Variants in ANO10 observed in about 807,000 individuals in gnomAD.
The protein encoded by ANO10 is anoctamin-10.
Under a neutral mutation model 74.7 loss-of-function variants are expected in ANO10, and 77 were observed. The observed-to-expected ratio is 1.03, with a 90% CI of 0.86 to 1.25. The LOEUF is 1.25. Ranked by LOEUF, ANO10 falls within the 50% of genes most tolerant of loss-of-function variation. The pLI is 0.00. For missense variants in ANO10, 721 were observed against 778.1 expected (o/e 0.93, Z 0.87); for synonymous variants, 279 against 284.9 (o/e 0.98, Z 0.21).
chr3:43,622,885 A>G (rs1481502714), upstream of ANO10, among the ~76,000 whole-genome samples: 4 of 152,146 alleles, frequency 2.6e-5, no homozygotes, highest in East Asian at 7.7e-4. Flanking sequence ...TGTTGTTTTG[A>G]GATAGAGCCT....
intron 12 of ANO10, among the ~76,000 whole-genome samples, chr3:43,414,322 A>G (rs989213604): frequency 6.6e-6 from 1 of 152,210 alleles, no homozygotes; most frequent in Non-Finnish European, 1.5e-5. Context: ...TGACTGATAC[A>G]CAGACAAGAT....
chr3:43,619,875 A>G (rs2083300979), intron 1 of ANO10, among the ~76,000 whole-genome samples: 1 of 151,744 alleles, frequency 6.6e-6, no homozygotes, highest in South Asian at 2.1e-4. Context: ...GTCCAAAAAA[A>G]AAAAAAAAAA....
At chr3:43,371,610 G>A (rs1056294229) in intron 12 of ANO10, among the ~76,000 whole-genome samples, 4 of 152,284 alleles carry the variant, frequency 2.6e-5, no homozygotes, top group Admixed American at 2.0e-4. Flanking sequence ...GGGGAATGGC[G>A]GGGAAGAAGG....
intron 11 of ANO10, among the ~76,000 whole-genome samples, chr3:43,441,091 AAAAG>A: frequency 6.6e-6 from 1 of 152,058 alleles, no homozygotes; most frequent in East Asian, 1.9e-4. Context: ...CATTATAAAA[AAAAG>A]AAAGATCTCA....
chr3:43,442,876 TATAGATTGTATAGAAAG>T, intron 11 of ANO10, among the ~76,000 whole-genome samples: 1 of 152,320 alleles, frequency 6.6e-6, no homozygotes, highest in Non-Finnish European at 1.5e-5. Context: ...CATCCTTTGG[TATAGATTGTATAGAAAG>T]ACTGAAAACT....
intron 11 of ANO10, chr3:43,485,316 C>T: frequency 1.1e-5 from 6 of 546,920 alleles, no homozygotes; most frequent in South Asian, 9.5e-5. Context: ...TCCATACCTC[C>T]GGATCCGACA....
chr3:43,659,219 A>G (rs2083891929), intron 1 of ANO10, among the ~76,000 whole-genome samples: 2 of 152,176 alleles, frequency 1.3e-5, no homozygotes, highest in African/African-American at 4.8e-5. Context: ...CAGTGGGTGC[A>G]GCCCATGGAG....
intron 11 of ANO10, among the ~76,000 whole-genome samples, chr3:43,470,720 G>C (rs561605801): frequency 1.3e-5 from 2 of 151,676 alleles, no homozygotes; most frequent in Non-Finnish European, 2.9e-5. Flanking sequence ...TCAACCTCCC[G>C]GGCTCAAGCA....
chr3:43,602,349 TTATTTTGAGACAGTGTCTCACTC>T (rs1272146293), intron 2 of ANO10, among the ~76,000 whole-genome samples: 2 of 152,194 alleles, frequency 1.3e-5, no homozygotes, highest in East Asian at 3.8e-4. Context: ...ATTAATTTAT[TTATTTTGAGACAGTGTCTCACTC>T]TGTCGCCCAG....
At chr3:43,609,721 C>T (rs2082722993) in intron 1 of ANO10, among the ~76,000 whole-genome samples, 1 of 152,148 alleles carries the variant, frequency 6.6e-6, no homozygotes, top group Admixed American at 6.5e-5. Flanking sequence ...CAAACCTATA[C>T]AGCATGTTAC....
rs539411506 is a variant in ANO10 at position 43,488,798 on chromosome 3, G to C, written c.1798-56071C>G. On this transcript the variant is annotated intron_variant, in intron 11 of 12. Coordinates refer to ENST00000292246, the MANE Select transcript of ANO10 (RefSeq NM_018075.5). ...GGATCTAGAACTGGAAATACCATTT[G>C]ACCCAGCCATCCCATTACTGGGTAT... is the stretch of plus-strand genomic sequence containing the variant. Among the ~76,000 whole-genome samples, 99 of 152,282 alleles carry C rather than the reference G, an allele frequency of 6.5e-4. 2 individuals are homozygous for C. The South Asian group carries it at 0.011, about 16-fold the overall frequency.
chr3:43,371,240 T>C (rs13099494), intron 12 of ANO10, among the ~76,000 whole-genome samples: 1 of 151,782 alleles, frequency 6.6e-6, no homozygotes, highest in Non-Finnish European at 1.5e-5. Context: ...GAAAATCCCA[T>C]GCGTCATCAG....
chr3:43,627,597 G>A (rs946979854), intron 1 of ANO10, among the ~76,000 whole-genome samples: 12 of 152,220 alleles, frequency 7.9e-5, no homozygotes, highest in African/African-American at 2.7e-4. Context: ...AAAGCCACAG[G>A]AGGATGGTTT....
intron 1 of ANO10, among the ~76,000 whole-genome samples, chr3:43,654,596 G>A (rs2083825801): frequency 6.6e-6 from 1 of 152,142 alleles, no homozygotes; most frequent in South Asian, 2.1e-4. Flanking sequence ...AATGTGATGA[G>A]AGAACTAGTA....
At chr3:43,607,390 TG>T (rs2082615395) in intron 1 of ANO10, among the ~76,000 whole-genome samples, 1 of 149,070 alleles carries the variant, frequency 6.7e-6, no homozygotes, top group African/African-American at 2.5e-5. Flanking sequence ...TGGGAAATAA[TG>T]GAGTCCAGAA....
At chr3:43,459,654 T>C (rs1166669509) in intron 11 of ANO10, among the ~76,000 whole-genome samples, 1 of 152,082 alleles carries the variant, frequency 6.6e-6, no homozygotes, top group Non-Finnish European at 1.5e-5. Flanking sequence ...AGCTAGTGAG[T>C]GCTTCCTGCC....
intron 8 of ANO10, among the ~76,000 whole-genome samples, 162 bp from the exon 9 acceptor site, chr3:43,561,564 A>T (rs752086031): frequency 2.0e-5 from 3 of 152,242 alleles, no homozygotes; most frequent in Non-Finnish European, 2.9e-5. Context: ...TTGTGTTATA[A>T]AAACTAGTAT....
chr3:43,503,571 A>G (rs566393559), intron 11 of ANO10, among the ~76,000 whole-genome samples: 3 of 152,186 alleles, frequency 2.0e-5, no homozygotes, highest in Non-Finnish European at 4.4e-5. Flanking sequence ...GCCATATGAC[A>G]AGGAAGACAG....
chr3:43,495,689 C>T (rs554937188), intron 11 of ANO10, among the ~76,000 whole-genome samples: 8 of 151,938 alleles, frequency 5.3e-5, no homozygotes, highest in African/African-American at 1.9e-4. Context: ...TTTGCCTATC[C>T]AATTTGTGAA....
Sources: allele counts gnomAD v4.1 joint callset (sites outside exome capture counted in the v4.1 genomes callset), GRCh38; gene constraint gnomAD v4.1.1; transcripts MANE v1.5; gene names NCBI Gene and HGNC (gene_info 2026-07-23, HGNC 2026-07-21).